The following ZFPM1 variants were observed in gnomAD, a reference collection of about 807,000 sequenced individuals.
The protein encoded by ZFPM1 is zinc finger protein, FOG family member 1, also known as zinc finger protein ZFPM1.
Under a neutral mutation model 46.3 loss-of-function variants are expected in ZFPM1, and 28 were observed. That is an observed-to-expected ratio of 0.60 (90% CI 0.45 to 0.83). The LOEUF is 0.83. ZFPM1 is among the 40% of genes least tolerant of loss of function. The pLI is 0.00. For synonymous variants in ZFPM1, 957 were observed against 675.9 expected (o/e 1.42, Z -6.45); for missense variants, 1,878 against 1,432.4 (o/e 1.31, Z -5.02).
chr16:88,477,040 G>A (rs542019340), intron 1 of ZFPM1, among the ~76,000 whole-genome samples: 250 of 151,564 alleles, frequency 1.6e-3, no homozygotes, highest in Non-Finnish European at 2.8e-3. Flanking sequence ...ATCGCAGACC[G>A]GGGCCACGCA....
intron 1 of ZFPM1, among the ~76,000 whole-genome samples, chr16:88,475,743 C>T (rs1389616215): frequency 6.6e-6 from 1 of 152,208 alleles, no homozygotes; most frequent in African/African-American, 2.4e-5. Flanking sequence ...TGTCTGCTGC[C>T]TACCACTGTT....
At chr16:88,476,586 C>T (rs1351094778) in intron 1 of ZFPM1, among the ~76,000 whole-genome samples, 2 of 151,978 alleles carry the variant, frequency 1.3e-5, no homozygotes, top group African/African-American at 2.4e-5. Flanking sequence ...AGGGGTTTGG[C>T]TTTTGCTCCG....
rs1597295222 is a variant in ZFPM1 at position 88,536,462 on chromosome 16, C to T, written c.*1483C>T. The T allele has an allele frequency of 6.6e-6, 1 of 152,260 alleles. No homozygotes were observed. The highest frequency in any genetic ancestry group is 2.4e-5 in the African/African-American group (1 of 41,460). The allele number at this position is 152,260 out of a possible 1,614,324, so 9.4% of individuals were successfully genotyped here. A position where few individuals can be genotyped will look rare whatever the true frequency, so the allele number is the denominator to read the frequency against. The stretch of plus-strand genomic sequence containing the variant: ...ACATTAGGATGACAGGCGCGAGCTA[C>T]CATTCCCAGCCCATTTCCAACTCTA... On this transcript the variant is annotated 3_prime_UTR_variant, in exon 10 of 10. Coordinates refer to ENST00000319555, the MANE Select transcript of ZFPM1 (RefSeq NM_153813.3).
intron 4 of ZFPM1, among the ~76,000 whole-genome samples, chr16:88,523,270 T>C (rs1432819827): frequency 6.7e-6 from 1 of 149,566 alleles, no homozygotes; most frequent in Non-Finnish European, 1.5e-5. Flanking sequence ...CAGAGCAGGG[T>C]CAGGAAGGGC....
At position 88,486,051 on chromosome 16, in the gene ZFPM1, A is replaced by T. The variant is rs545926793; in HGVS notation, c.145+8A>T. On this transcript the variant is annotated splice_region_variant and intron_variant, in intron 2 of 9. Transcript: ENST00000319555. The stretch of plus-strand genomic sequence containing the variant: ...CGAGCCCTCCCAGCGCAGGTGAGTC[A>T]GACTGAGCCCTCTCACCGCGCCTCC... The T allele has an allele frequency of 6.2e-7, 1 of 1,609,806 alleles. No homozygotes were observed. The highest frequency in any genetic ancestry group is 1.1e-5 in the South Asian group (1 of 90,610).
At position 88,480,366 on chromosome 16, in the gene ZFPM1, G is replaced by A. The variant is rs1266002346; in HGVS notation, c.41-5573G>A. Among the ~76,000 whole-genome samples, 1 of 152,190 alleles carries A rather than the reference G, an allele frequency of 6.6e-6. No individual in the cohort carries two copies. The highest frequency in any genetic ancestry group is 1.5e-5 in the Non-Finnish European group (1 of 68,034). On this transcript the variant is annotated intron_variant, in intron 1 of 9. Coordinates refer to ENST00000319555, the MANE Select transcript of ZFPM1 (RefSeq NM_153813.3). The surrounding 1 kb of genome is among the most constrained non-coding windows in gnomAD (Gnocchi z 4.9). ...GCTCAGGAAGGGGAAAGGAGCCAGC[G>A]AAAGCGAAGGAGGAAGAAGTGAGTG...
intron 1 of ZFPM1, among the ~76,000 whole-genome samples, chr16:88,475,716 C>T (rs1307995850): frequency 1.3e-5 from 2 of 152,292 alleles, no homozygotes; most frequent in East Asian, 1.9e-4. Flanking sequence ...CCCCGAGGCT[C>T]GCTGGCCACT....
At chr16:88,482,656 C>T (rs1276737981) in intron 1 of ZFPM1, among the ~76,000 whole-genome samples, 1 of 152,174 alleles carries the variant, frequency 6.6e-6, no homozygotes, top group Non-Finnish European at 1.5e-5. Context: ...AGCCCCAGTG[C>T]TCTGGTCCCC....
chr16:88,457,100 G>T (rs1001188132), intron 1 of ZFPM1, among the ~76,000 whole-genome samples: 8 of 152,268 alleles, frequency 5.3e-5, no homozygotes, highest in Non-Finnish European at 1.2e-4. Flanking sequence ...CTCCCCAGCA[G>T]CCCAACGCCC....
Position 88,455,967 on chromosome 16 carries a change from C to T in ZFPM1, c.40+2289C>T, listed in dbSNP as rs555800471. On this transcript the variant is annotated intron_variant, in intron 1 of 9. Coordinates refer to ENST00000319555, the MANE Select transcript of ZFPM1 (RefSeq NM_153813.3). ...AGAGCCTGGCCGGTCGGCCCGATGG[C>T]GATCGCCAAGAGCGATAAGAGGCCT... Among the ~76,000 whole-genome samples the T allele has an allele frequency of 1.0e-3, 152 of 152,168 alleles. 3 individuals are homozygous for T. Among genetic ancestry groups the T allele is most frequent in the Non-Finnish European group, 2.8e-4 (19 of 68,018 alleles).
At chr16:88,514,913 C>T (rs556275981) in intron 4 of ZFPM1, among the ~76,000 whole-genome samples, 2 of 152,242 alleles carry the variant, frequency 1.3e-5, no homozygotes, top group South Asian at 4.1e-4. Context: ...TGTGTCTGTC[C>T]CCGCGGACTC....
At chr16:88,523,798 G>C (rs915502958) in intron 4 of ZFPM1, among the ~76,000 whole-genome samples, 1 of 152,244 alleles carries the variant, frequency 6.6e-6, no homozygotes, top group African/African-American at 2.4e-5. Flanking sequence ...GTTCCCTCCC[G>C]GGTCGGGGGC....
At chr16:88,476,124 A>G (rs987996768) in intron 1 of ZFPM1, among the ~76,000 whole-genome samples, 1 of 152,056 alleles carries the variant, frequency 6.6e-6, no homozygotes, top group Non-Finnish European at 1.5e-5. Context: ...GCACCTTGCC[A>G]TGGGCACCTT....
At chr16:88,460,611 TGGAG>T (rs1907773822) in intron 1 of ZFPM1, among the ~76,000 whole-genome samples, 1 of 152,304 alleles carries the variant, frequency 6.6e-6, no homozygotes, top group Non-Finnish European at 1.5e-5. Context: ...AGAGTGAGGA[TGGAG>T]GGTGTGGCTC....
rs532584974 is a variant in ZFPM1, at chr16:88,471,250, C to G, written c.41-14689C>G. ...CCTGAGCTCCCAACCAGCTGACCCT[C>G]CAGGGCTGCAGCCATGTGTGACCTC... On this transcript the variant is annotated intron_variant, in intron 1 of 9. Coordinates refer to ENST00000319555, the MANE Select transcript of ZFPM1 (RefSeq NM_153813.3). The surrounding 1 kb of genome is among the most constrained non-coding windows in gnomAD (Gnocchi z 4.1). Among the ~76,000 whole-genome samples, 1 of 152,380 alleles carries G rather than the reference C, an allele frequency of 6.6e-6. No homozygotes were observed. The highest frequency in any genetic ancestry group is 2.4e-5 in the African/African-American group (1 of 41,600).
At chr16:88,463,173 G>A (rs899188908) in intron 1 of ZFPM1, among the ~76,000 whole-genome samples, 20 of 152,254 alleles carry the variant, frequency 1.3e-4, no homozygotes, top group African/African-American at 4.6e-4. Flanking sequence ...AGGTGGTCGT[G>A]GCTCCTTCCC....
chr16:88,533,100 C>T (rs755437578), intron 9 of ZFPM1, 48 bp from the exon 10 acceptor site: 9 of 1,465,948 alleles, frequency 6.1e-6, no homozygotes, highest in Non-Finnish European at 8.1e-6. Context: ...TCTGACCGGC[C>T]AGGTCCTGCC....
At chr16:88,452,579 C>A (rs1907322248), upstream of ZFPM1, among the ~76,000 whole-genome samples, 1 of 152,264 alleles carries the variant, frequency 6.6e-6, no homozygotes, top group African/African-American at 2.4e-5. Context: ...ACGGAAGCCC[C>A]CTCCCTGGCC....
At chr16:88,460,737 A>G (rs570311453) in intron 1 of ZFPM1, among the ~76,000 whole-genome samples, 17 of 152,318 alleles carry the variant, frequency 1.1e-4, no homozygotes, top group Admixed American at 2.6e-4. Flanking sequence ...GCTGGTATAC[A>G]GTAGGTGCTT....
Sources: gnomAD v4.1 joint callset for allele counts (sites outside exome capture counted in the v4.1 genomes callset) on GRCh38, gnomAD v4.1.1 for gene constraint, Gnocchi (gnomAD v3.1) non-coding constraint, MANE v1.5 for transcripts, NCBI Gene and HGNC (gene_info 2026-07-23, HGNC 2026-07-21) for gene names.